CLEC16A: variants seen among roughly 807,000 people sequenced by gnomAD.
The protein encoded by CLEC16A is protein CLEC16A.
In CLEC16A, 51 loss-of-function variants were observed where a neutral mutation model predicts 109.5. The ratio of observed to expected loss-of-function variants is 0.47; its 90% CI spans 0.37 to 0.59. CLEC16A has a LOEUF of 0.59. Ranked by LOEUF, CLEC16A falls within the 20% of genes least tolerant of loss-of-function variation. CLEC16A has a pLI of 0.00. For missense variants in CLEC16A, 1,339 were observed against 1,394.0 expected (o/e 0.96, Z 0.63); for synonymous variants, 673 against 564.2 (o/e 1.19, Z -2.73).
intron 19 of CLEC16A, among the ~76,000 whole-genome samples, chr16:11,101,194 A>C (rs565226962): frequency 6.6e-6 from 1 of 152,220 alleles, no homozygotes. Context: ...CATTTCACTG[A>C]ATAATGATAG....
chr16:11,157,289 G>C, intron 22 of CLEC16A: 1 of 1,134,122 alleles, frequency 8.8e-7, no homozygotes, highest in Non-Finnish European at 1.1e-6. Context: ...GCTCAGGCTT[G>C]GCCCGGGAGG....
At chr16:11,170,809 C>T (rs2068478744) in intron 23 of CLEC16A, among the ~76,000 whole-genome samples, 2 of 152,216 alleles carry the variant, frequency 1.3e-5, no homozygotes, top group Non-Finnish European at 2.9e-5. Context: ...TGGCTGAGGC[C>T]TATCAGGTGG....
intron 19 of CLEC16A, among the ~76,000 whole-genome samples, chr16:11,091,361 C>A (rs112070040): frequency 3.1e-3 from 469 of 152,316 alleles, no homozygotes; most frequent in African/African-American, 0.011. Flanking sequence ...GTGGTGGATG[C>A]CCCCGGGTCT....
intron 19 of CLEC16A, among the ~76,000 whole-genome samples, chr16:11,101,815 T>C (rs2050932751): frequency 6.6e-6 from 1 of 152,078 alleles, no homozygotes. Flanking sequence ...CTTTTCTTTT[T>C]TTTTTGAAAC....
chr16:11,157,341 T>C, intron 22 of CLEC16A: 1 of 680,932 alleles, frequency 1.5e-6, no homozygotes, highest in Non-Finnish European at 2.0e-6. Flanking sequence ...TGTGTAGACC[T>C]GCGCCCTGGG....
Position 11,097,321 on chromosome 16 carries a change from A to T in CLEC16A, c.2117-23294A>T, listed in dbSNP as rs1052330538. Reference sequence around the variant, plus strand: ...AGTAAATGCCTCACATCCCTTACCAATTTTCTTATCTGAAAGATTTAATCA... The same window carrying T: ...AGTAAATGCCTCACATCCCTTACCATTTTTCTTATCTGAAAGATTTAATCA... On this transcript the variant is annotated intron_variant, in intron 19 of 23. Coordinates refer to ENST00000409790, the MANE Select transcript of CLEC16A (RefSeq NM_015226.3). Among the ~76,000 whole-genome samples the T allele has an allele frequency of 1.6e-4, 24 of 151,984 alleles. 1 individual carries two copies. The highest frequency in any genetic ancestry group is 1.2e-3 in the Admixed American group (18 of 15,266).
At chr16:11,100,875 G>A (rs891675794) in intron 19 of CLEC16A, among the ~76,000 whole-genome samples, 2 of 152,180 alleles carry the variant, frequency 1.3e-5, no homozygotes, top group Non-Finnish European at 2.9e-5. Flanking sequence ...GTAACGGGTT[G>A]AATATACCTT....
At chr16:11,085,379 C>G (rs977318888) in intron 19 of CLEC16A, among the ~76,000 whole-genome samples, 5 of 152,266 alleles carry the variant, frequency 3.3e-5, no homozygotes, top group Admixed American at 3.3e-4. Context: ...AGGTTGAGTG[C>G]CCGTGGAGGT....
intron 22 of CLEC16A, among the ~76,000 whole-genome samples, chr16:11,140,615 C>T (rs983941278): frequency 2.0e-5 from 3 of 152,114 alleles, no homozygotes; most frequent in Non-Finnish European, 4.4e-5. Flanking sequence ...CCACCATGTC[C>T]CACAGAGTGG....
intron 19 of CLEC16A, among the ~76,000 whole-genome samples, chr16:11,068,429 T>C (rs2048882510): frequency 6.6e-6 from 1 of 152,206 alleles, no homozygotes. Flanking sequence ...ACGCAGAGCC[T>C]GCATCCCCAC....
At chr16:11,067,955 C>T (rs748808383) in intron 19 of CLEC16A, among the ~76,000 whole-genome samples, 2 of 152,180 alleles carry the variant, frequency 1.3e-5, no homozygotes, top group African/African-American at 4.8e-5. Flanking sequence ...AACAACAACC[C>T]AACTATTTGG....
At chr16:11,110,336 G>T (rs1399725820) in intron 19 of CLEC16A, among the ~76,000 whole-genome samples, 2 of 152,196 alleles carry the variant, frequency 1.3e-5, no homozygotes, top group Non-Finnish European at 2.9e-5. Context: ...AGTCAAGAAT[G>T]ACAGGCACTG....
chr16:11,117,135 A>G (rs1046146454), intron 19 of CLEC16A, among the ~76,000 whole-genome samples: 1 of 152,236 alleles, frequency 6.6e-6, no homozygotes, highest in Non-Finnish European at 1.5e-5. Flanking sequence ...TTGGATACTC[A>G]TGGACATAAA....
At chr16:11,054,942 T>C (rs1391370240) in intron 18 of CLEC16A, among the ~76,000 whole-genome samples, 3 of 149,794 alleles carry the variant, frequency 2.0e-5, no homozygotes, top group Admixed American at 6.6e-5. Context: ...CTTTTTTTTT[T>C]TTTTTTTCCA....
intron 23 of CLEC16A, among the ~76,000 whole-genome samples, chr16:11,170,145 C>T (rs909389571): frequency 2.6e-5 from 4 of 152,204 alleles, no homozygotes; most frequent in Admixed American, 1.3e-4. Context: ...ACCCGGGCCC[C>T]GATCTGGATC....
chr16:11,007,028 C>T (rs1376327688), intron 11 of CLEC16A, among the ~76,000 whole-genome samples: 6 of 152,188 alleles, frequency 3.9e-5, no homozygotes, highest in Admixed American at 3.9e-4. Flanking sequence ...TGTTTTTTAG[C>T]TTGCCCTTGA....
intron 19 of CLEC16A, among the ~76,000 whole-genome samples, chr16:11,094,315 G>A (rs936151640): frequency 6.6e-6 from 1 of 152,230 alleles, no homozygotes; most frequent in Non-Finnish European, 1.5e-5. Flanking sequence ...GAAGCTCTGC[G>A]CCTGTCCTGG....
chr16:10,958,147 C>T (rs2042080064), intron 2 of CLEC16A, among the ~76,000 whole-genome samples: 1 of 151,864 alleles, frequency 6.6e-6, no homozygotes, highest in Admixed American at 6.6e-5. Context: ...CTGAAAATGT[C>T]ATGGGTAATT....
intron 23 of CLEC16A, among the ~76,000 whole-genome samples, chr16:11,169,571 G>A (rs1567415885): frequency 6.6e-6 from 1 of 152,236 alleles, no homozygotes; most frequent in Non-Finnish European, 1.5e-5. Context: ...ACAGGCATGA[G>A]CCATCACGCC....
Sources: gnomAD v4.1 joint callset for allele counts (sites outside exome capture counted in the v4.1 genomes callset) on GRCh38, gnomAD v4.1.1 for gene constraint, MANE v1.5 for transcripts, NCBI Gene and HGNC (gene_info 2026-07-23, HGNC 2026-07-21) for gene names.